DOCK10: variants seen among roughly 807,000 people sequenced by gnomAD.
The protein encoded by DOCK10 is dedicator of cytokinesis protein 10.
DOCK10 carries 145 observed loss-of-function variants against 280.1 expected under a neutral mutation model. That is an observed-to-expected ratio of 0.52 (90% CI 0.45 to 0.59). DOCK10 has a LOEUF of 0.59. Among genes scored for constraint, DOCK10 ranks in the 20% least tolerant of loss-of-function variants. The pLI is 0.00. For synonymous variants in DOCK10, 915 were observed against 942.2 expected (o/e 0.97, Z 0.53); for missense variants, 2,368 against 2,651.7 (o/e 0.89, Z 2.35).
intron 1 of DOCK10, among the ~76,000 whole-genome samples, chr2:224,988,997 C>G (rs946189189): frequency 1.3e-5 from 2 of 152,136 alleles, no homozygotes; most frequent in Admixed American, 6.5e-5. Context: ...TACTTTGGGT[C>G]CAATTAGAAA....
intron 11 of DOCK10, among the ~76,000 whole-genome samples, chr2:224,871,575 C>T (rs1431707806): frequency 6.6e-6 from 1 of 152,198 alleles, no homozygotes; most frequent in African/African-American, 2.4e-5. Flanking sequence ...TAAGGCCCTA[C>T]ATCATCTTAT....
chr2:224,933,886 C>T (rs1359275661), intron 1 of DOCK10, among the ~76,000 whole-genome samples: 1 of 151,974 alleles, frequency 6.6e-6, no homozygotes, highest in Non-Finnish European at 1.5e-5. Flanking sequence ...ATTTTATCAC[C>T]CATTAGTCCC....
At position 224,845,258 on chromosome 2, in the gene DOCK10, A is replaced by C. The variant is rs776968211; in HGVS notation, c.2426T>G (p.Ile809Arg). ...ATAATTAGGAGGCAGACTTGTTGCTATTGGGATGTTGTACTCTTGAGAAGC... is the reference window on the plus strand; with the variant it reads ...ATAATTAGGAGGCAGACTTGTTGCTCTTGGGATGTTGTACTCTTGAGAAGC... The part of the protein sequence containing the change: ...QIASQEYNIP[I>R]ATSLPPNYLS... Residue 809 changes from isoleucine to arginine, a missense_variant, in exon 21 of 56, where the codon ATA (isoleucine) becomes AGA (arginine). By Grantham distance (97) the Ile-to-Arg change is moderately conservative (BLOSUM62 -3). This residue lies in a region of DOCK10 where 1,209 missense variants were observed against 1,250.9 expected (regional missense o/e 0.97). Coordinates refer to ENST00000258390, the MANE Select transcript of DOCK10 (RefSeq NM_014689.3). 1 of 1,587,758 alleles carries C rather than the reference A, an allele frequency of 6.3e-7. No individual in the cohort carries two copies.
At chr2:224,785,250 G>A (rs1181909130) in intron 50 of DOCK10, among the ~76,000 whole-genome samples, 2 of 150,304 alleles carry the variant, frequency 1.3e-5, no homozygotes, top group African/African-American at 4.9e-5. Flanking sequence ...ACTTCAGATA[G>A]TTCAGATTCT....
At chr2:224,967,731 T>TAA (rs965848270) in intron 1 of DOCK10, among the ~76,000 whole-genome samples, 5 of 143,770 alleles carry the variant, frequency 3.5e-5, no homozygotes, top group Admixed American at 6.9e-5. Context: ...ATCCATATTG[T>TAA]AAAAAAAAAA....
intron 4 of DOCK10, among the ~76,000 whole-genome samples, chr2:224,892,736 A>G (rs113449234): frequency 9.8e-5 from 15 of 152,346 alleles, no homozygotes; most frequent in African/African-American, 3.4e-4. Context: ...GGCCTGTCCA[A>G]TGCCCTTGGG....
intron 19 of DOCK10, among the ~76,000 whole-genome samples, chr2:224,847,991 T>C (rs190305413): frequency 9.3e-4 from 141 of 152,248 alleles, no homozygotes; most frequent in African/African-American, 3.4e-3. Context: ...ATCACAAAAG[T>C]CCTTATAAGA....
chr2:224,959,761 G>A (rs761935290), intron 1 of DOCK10, among the ~76,000 whole-genome samples: 2 of 152,154 alleles, frequency 1.3e-5, no homozygotes, highest in Non-Finnish European at 2.9e-5. Context: ...CTTTCGCCTT[G>A]AATACAGCTG....
At chr2:224,782,114 G>C (rs1475067036) in intron 50 of DOCK10, among the ~76,000 whole-genome samples, 2 of 152,114 alleles carry the variant, frequency 1.3e-5, no homozygotes, top group African/African-American at 4.8e-5. Flanking sequence ...ACTCAATTAT[G>C]ACATTTAATT....
chr2:225,005,198 G>A (rs373247099), intron 1 of DOCK10, among the ~76,000 whole-genome samples: 1 of 152,150 alleles, frequency 6.6e-6, no homozygotes, highest in Admixed American at 6.5e-5. Context: ...CAAATCTCTA[G>A]GAGTCAAAAT....
intron 1 of DOCK10, chr2:224,946,733 A>G (rs1238088381): frequency 5.6e-6 from 4 of 710,944 alleles, no homozygotes; most frequent in Non-Finnish European, 8.8e-6. Context: ...CTTCTGTTCC[A>G]TATAAGACTT....
chr2:224,787,041 C>T lies in DOCK10; in HGVS notation c.5636G>A (p.Arg1879His), dbSNP rs761407402. 6.2e-6 allele frequency: 10 copies of T among 1,613,788 alleles called. No homozygotes were observed. The highest frequency in any genetic ancestry group is 2.2e-5 in the East Asian group (1 of 44,900). ...SEKRLFGRYY[R>H]VAFYGQGFFE... ...ACTTACCTGCCCATAAAATGCCACA[C>T]GATAGTAGCGACCAAACAGCCGCTT... Residue 1879 changes from arginine (R) to histidine (H), a missense_variant, in exon 50 of 56, where the codon CGT (arginine) becomes CAT (histidine). Around this residue, in one of 2 missense-constraint regions of DOCK10, gnomAD observed 1,159 missense variants for 1,400.8 expected, o/e 0.83. Coordinates refer to ENST00000258390, the MANE Select transcript of DOCK10 (RefSeq NM_014689.3).
intron 14 of DOCK10, 28 bp from the exon 15 acceptor site, chr2:224,857,010 T>C (rs1265288178): frequency 1.3e-6 from 2 of 1,566,180 alleles, no homozygotes; most frequent in Non-Finnish European, 1.7e-6. Flanking sequence ...TTCAGGTTGG[T>C]AGTTGGATAT....
At chr2:224,995,702 GTTAATTGTGCAAA>G (rs776615335) in intron 1 of DOCK10, among the ~76,000 whole-genome samples, 140 of 152,330 alleles carry the variant, frequency 9.2e-4, no homozygotes, top group Non-Finnish European at 9.3e-4. Context: ...AAAAAGCATG[GTTAATTGTGCAAA>G]TCTCGGTACA....
intron 11 of DOCK10, among the ~76,000 whole-genome samples, chr2:224,866,984 C>A (rs941070180): frequency 1.3e-5 from 2 of 151,940 alleles, no homozygotes; most frequent in Non-Finnish European, 2.9e-5. Context: ...GTGAGGGTGA[C>A]ATTTACAAAC....
At chr2:225,036,883 C>T (rs928897529) in intron 1 of DOCK10, among the ~76,000 whole-genome samples, 3 of 150,920 alleles carry the variant, frequency 2.0e-5, no homozygotes, top group Non-Finnish European at 4.4e-5. Context: ...CATCTGATTA[C>T]ATCTAACTTT....
intron 2 of DOCK10, among the ~76,000 whole-genome samples, chr2:224,928,648 T>C (rs1335400278): frequency 1.3e-5 from 2 of 152,206 alleles, no homozygotes; most frequent in African/African-American, 4.8e-5. Context: ...CACTATCCTT[T>C]TGTTTGTCAG....
At chr2:224,890,479 A>C (rs1314406439) in intron 4 of DOCK10, among the ~76,000 whole-genome samples, 1 of 152,204 alleles carries the variant, frequency 6.6e-6, no homozygotes, top group African/African-American at 2.4e-5. Flanking sequence ...ATAGACTATA[A>C]ATTTCACAAA....
intron 1 of DOCK10, chr2:224,982,301 T>C: frequency 8.1e-7 from 1 of 1,232,064 alleles, no homozygotes; most frequent in Non-Finnish European, 1.0e-6. Context: ...TCTACAAATG[T>C]GTGGACAGCT....
Sources: allele counts gnomAD v4.1 joint callset (sites outside exome capture counted in the v4.1 genomes callset), GRCh38; gene constraint gnomAD v4.1.1; regional missense constraint gnomAD v4.1.1; transcripts MANE v1.5; gene names NCBI Gene and HGNC (gene_info 2026-07-23, HGNC 2026-07-21).